Variants in VHL observed in about 807,000 individuals in gnomAD.
VHL encodes von Hippel-Lindau tumor suppressor, also known as von Hippel-Lindau disease tumor suppressor.
In VHL, 10 loss-of-function variants were observed where a neutral mutation model predicts 19.2. That is an observed-to-expected ratio of 0.52 (90% CI 0.32 to 0.89). The LOEUF (loss-of-function observed/expected upper bound fraction) is 0.89, where lower values mean the gene tolerates loss of function less well. Ranked by LOEUF, VHL falls within the 40% of genes least tolerant of loss-of-function variation. The probability of loss-of-function intolerance (pLI) is 0.03; values close to 1 mark genes in which losing one functional copy is unlikely to be tolerated. For missense variants in VHL, 328 were observed against 292.7 expected (o/e 1.12, Z -0.88); for synonymous variants, 167 against 129.5 (o/e 1.29, Z -1.97).
chr3:10,148,405 C>T (rs1359033000), intron 2 of VHL, among the ~76,000 whole-genome samples: 11 of 147,806 alleles, frequency 7.4e-5, no homozygotes, highest in African/African-American at 2.5e-4. Context: ...AGCTCCGCCT[C>T]CCGGGTTCAC....
At chr3:10,146,208 C>G (rs1459933293) in intron 1 of VHL, among the ~76,000 whole-genome samples, 1 of 144,566 alleles carries the variant, frequency 6.9e-6, no homozygotes, top group African/African-American at 2.7e-5. Context: ...GAGTCTTGCT[C>G]TGTCACCCAG....
In VHL at chr3:10,142,185, G is replaced by A. The variant is rs767062290; in HGVS notation, c.338G>A (p.Arg113Gln). ...PGTGRRIHSY[R>Q]GHLWLFRDAG... is the part of the protein sequence containing the mutation. ...ACGGGCCGCCGCATCCACAGCTACC[G>A]AGGTACGGGCCCGGCGCTTAGGCCC... The change falls in exon 1 of 3, where the codon CGA becomes CAA. Residue 113 changes from arginine (R) to glutamine (Q), a missense_variant and splice_region_variant. By Grantham distance (43) the Arg-to-Gln change is conservative. Transcript: ENST00000256474. 1 of 1,597,816 alleles carries A rather than the reference G, an allele frequency of 6.3e-7. No homozygotes were observed. Among genetic ancestry groups the A allele is most frequent in the Non-Finnish European group, 8.5e-7 (1 of 1,179,310 alleles).
chr3:10,153,474 CTG>C lies in VHL; in HGVS notation c.*3513_*3514del, dbSNP rs981809666. Reference sequence around the variant, plus strand: ...AAAAAAAAAACATGCCGTTTGAGTACTGTGTTTTTGGTGTTGTCCAAGGAAAA... The same window carrying C: ...AAAAAAAAAACATGCCGTTTGAGTACTGTTTTTGGTGTTGTCCAAGGAAAA... On this transcript the variant is annotated 3_prime_UTR_variant, in exon 3 of 3. Transcript: ENST00000256474. 6.6e-6 allele frequency among the ~76,000 whole-genome samples: 1 copy of C among 151,764 alleles called. No homozygotes were observed. The highest frequency in any genetic ancestry group is 1.5e-5 in the Non-Finnish European group (1 of 67,974).
intron 1 of VHL, 137 bp downstream of exon 1, chr3:10,142,324 G>T: frequency 5.2e-6 from 4 of 763,214 alleles, no homozygotes; most frequent in Non-Finnish European, 8.2e-6. Context: ...GACGCTGCTC[G>T]TAAGCGTCAG....
intron 2 of VHL, among the ~76,000 whole-genome samples, chr3:10,147,070 G>T (rs1696278447): frequency 6.6e-6 from 1 of 152,162 alleles, no homozygotes; most frequent in Non-Finnish European, 1.5e-5. Flanking sequence ...GGAGTGCAGT[G>T]GCGCAATCTC....
rs1244903445 is a variant in VHL, at chr3:10,152,459, C to T, written c.*2494C>T. On this transcript the variant is annotated 3_prime_UTR_variant, in exon 3 of 3. Coordinates refer to ENST00000256474, the MANE Select transcript of VHL (RefSeq NM_000551.4). ...GAATTTCAACTGATTTTAGCTCCTC[C>T]TTTCAACATTCAACAAATAGTCTTT... Among the ~76,000 whole-genome samples, 6 of 149,120 alleles carry T rather than the reference C, an allele frequency of 4.0e-5. No individual in the cohort carries two copies. Among genetic ancestry groups the T allele is most frequent in the Non-Finnish European group, 7.4e-5 (5 of 67,500 alleles).
At chr3:10,145,857 T>C (rs1030266686) in intron 1 of VHL, among the ~76,000 whole-genome samples, 2 of 152,198 alleles carry the variant, frequency 1.3e-5, no homozygotes, top group Admixed American at 1.3e-4. Flanking sequence ...AGTGGCTTTT[T>C]CTCTTTAGTT....
intron 1 of VHL, among the ~76,000 whole-genome samples, chr3:10,143,475 G>A (rs149218065): frequency 6.6e-6 from 1 of 152,140 alleles, no homozygotes; most frequent in East Asian, 1.9e-4. Flanking sequence ...TTGAGTTGGA[G>A]TCTGGATCTG....
rs1696468938 is a variant in VHL, at chr3:10,153,457, A to C, written c.*3492A>C. The stretch of plus-strand genomic sequence containing the variant: ...AAAGAAACCAAAAAAACAAAAAAAA[A>C]ACATGCCGTTTGAGTACTGTGTTTT... On this transcript the variant is annotated 3_prime_UTR_variant, in exon 3 of 3. Transcript: ENST00000256474. Among the ~76,000 whole-genome samples, 2 of 152,078 alleles carry C rather than the reference A, an allele frequency of 1.3e-5. No individual in the cohort carries two copies. Among genetic ancestry groups the C allele is most frequent in the South Asian group, 4.1e-4 (2 of 4,820 alleles).
rs1430013023 is a variant in VHL, at chr3:10,152,959, A to C, written c.*2994A>C. ...GGAGCTGAAGACCAGCCTGGCTAAC[A>C]TGGTGAAACCTCATCTCCACTTAAA... is the stretch of plus-strand genomic sequence containing the variant. On this transcript the variant is annotated 3_prime_UTR_variant, in exon 3 of 3. Transcript: ENST00000256474. Among the ~76,000 whole-genome samples, 1 of 151,710 alleles carries C rather than the reference A, an allele frequency of 6.6e-6. No individual in the cohort carries two copies. The highest frequency in any genetic ancestry group is 2.4e-5 in the African/African-American group (1 of 41,382).
intron 2 of VHL, among the ~76,000 whole-genome samples, chr3:10,148,192 A>G (rs1696310619): frequency 6.6e-6 from 1 of 152,070 alleles, no homozygotes; most frequent in Admixed American, 6.6e-5. Context: ...AAGGAAGTAG[A>G]TATATAAAAA....
At chr3:10,146,850 T>G (rs892067264) in intron 2 of VHL, among the ~76,000 whole-genome samples, 1 of 152,170 alleles carries the variant, frequency 6.6e-6, no homozygotes. Flanking sequence ...CACTTTGGGC[T>G]CTTAAGAGAC....
chr3:10,142,254 C>T, intron 1 of VHL, 67 bp downstream of exon 1: 5 of 1,535,102 alleles, frequency 3.3e-6, no homozygotes, highest in Non-Finnish European at 3.5e-6. Context: ...CCTCTACCGC[C>T]CCGGGGTCCA....
intron 1 of VHL, among the ~76,000 whole-genome samples, chr3:10,146,192 G>A (rs62238313): frequency 2.2e-5 from 3 of 137,168 alleles, no homozygotes; most frequent in Admixed American, 7.2e-5. Flanking sequence ...TTTTTTTTTG[G>A]AGACGGAGTC....
chr3:10,149,877 A>G lies in VHL; in HGVS notation c.554A>G (p.Tyr185Cys), dbSNP rs561874453. The G allele has an allele frequency of 2.7e-5, 43 of 1,614,198 alleles. No individual in the cohort carries two copies. The highest frequency in any genetic ancestry group is 3.4e-5 in the Non-Finnish European group (40 of 1,180,036). ...YRRLDIVRSLYEDLEDHPNVQ... is the reference protein window; with the variant it reads ...YRRLDIVRSLCEDLEDHPNVQ... ...AGACTGGACATCGTCAGGTCGCTCT[A>G]CGAAGATCTGGAAGACCACCCAAAT... Residue 185 changes from tyrosine (Y) to cysteine (C), a missense_variant, in exon 3 of 3, where the codon TAC (tyrosine) becomes TGC (cysteine). Physicochemically the swap from Tyr to Cys is radical, Grantham distance 194. Coordinates refer to ENST00000256474, the MANE Select transcript of VHL (RefSeq NM_000551.4).
At chr3:10,149,174 A>G (rs965251272) in intron 2 of VHL, among the ~76,000 whole-genome samples, 2 of 145,852 alleles carry the variant, frequency 1.4e-5, no homozygotes, top group African/African-American at 2.6e-5. Context: ...GTGCAGTGGC[A>G]TGATCTTAGC....
chr3:10,143,084 TGATTTTACCCCTAG>T (rs1316529079), intron 1 of VHL: 1 of 151,730 alleles, frequency 6.6e-6, no homozygotes, highest in Non-Finnish European at 1.5e-5. Flanking sequence ...GCTTAAAAGG[TGATTTTACCCCTAG>T]GAATATGGGG....
chr3:10,141,798 A>ACCCGCGGAT lies in VHL; in HGVS notation c.-42_-34dup, dbSNP rs1696109136. 2.0e-6 allele frequency: 3 copies of ACCCGCGGAT among 1,533,250 alleles called. No homozygotes were observed. The highest frequency in any genetic ancestry group is 1.4e-5 in the African/African-American group (1 of 72,340). 95.0% of individuals were successfully genotyped at this position (1,533,250 alleles called of 1,614,324 possible). On this transcript the variant is annotated 5_prime_UTR_variant, in exon 1 of 3. Transcript: ENST00000256474. ...CGCACGCAGCTCCGCCCCGCGTCCGACCCGCGGATCCCGCGGCGTCCGGCC... is the reference window on the plus strand; with the variant it reads ...CGCACGCAGCTCCGCCCCGCGTCCGACCCGCGGATCCCGCGGATCCCGCGGCGTCCGGCC...
Position 10,148,556 on chromosome 3 carries a change from C to T in VHL, c.464-1231C>T, listed in dbSNP as rs969053614. Among the ~76,000 whole-genome samples the T allele has an allele frequency of 2.1e-3, 317 of 151,690 alleles. 7 individuals are homozygous for T. The highest frequency in any genetic ancestry group is 7.1e-3 in the African/African-American group (291 of 41,222). ...GTCTCGATCTCCTGACCTCGTGATC[C>T]GCCCGCCTCGGCCTCCCAAAGTGCT... is the stretch of plus-strand genomic sequence containing the variant. On this transcript the variant is annotated intron_variant, in intron 2 of 2. Coordinates refer to ENST00000256474, the MANE Select transcript of VHL (RefSeq NM_000551.4).
Sources: allele counts gnomAD v4.1 joint callset (sites outside exome capture counted in the v4.1 genomes callset), GRCh38; gene constraint gnomAD v4.1.1; transcripts MANE v1.5; gene names NCBI Gene and HGNC (gene_info 2026-07-23, HGNC 2026-07-21).